The following PRKN variants were observed in gnomAD, a reference collection of about 807,000 sequenced individuals.
PRKN encodes parkin RBR E3 ubiquitin protein ligase.
A neutral mutation model predicts 59.5 loss-of-function variants in PRKN; 56 were observed. The ratio of observed to expected loss-of-function variants is 0.94; its 90% CI spans 0.76 to 1.18. The LOEUF is 1.18. PRKN is among the 50% of genes most tolerant of loss of function. The pLI is 0.00. For missense variants in PRKN, 657 were observed against 596.4 expected, an observed-to-expected ratio of 1.10 and a Z score of -1.06; for synonymous variants, 250 against 222.1, an observed-to-expected ratio of 1.13 and a Z score of -1.12.
Position 161,356,733 on chromosome 6 carries a change from C to T in PRKN, c.1285+3355G>A, listed in dbSNP as rs1041196095. ...GCTGTTGACTGAGGTGGGGTGCACCCTAGAGGAAAAGGTTTTCTAGGAGCA... is the reference window on the plus strand; with the variant it reads ...GCTGTTGACTGAGGTGGGGTGCACCTTAGAGGAAAAGGTTTTCTAGGAGCA... On this transcript the variant is annotated intron_variant, in intron 11 of 11. Transcript: ENST00000366898. The surrounding 1 kb of genome is among the most constrained non-coding windows in gnomAD (Gnocchi z 7.8). Among the ~76,000 whole-genome samples the T allele has an allele frequency of 2.0e-5, 3 of 152,034 alleles. No homozygotes were observed. In the East Asian group the frequency reaches 5.8e-4, roughly 29 times the overall value.
chr6:161,520,386 G>A (rs373486338), intron 9 of PRKN, among the ~76,000 whole-genome samples: 5 of 151,828 alleles, frequency 3.3e-5, no homozygotes, highest in Admixed American at 2.0e-4. Flanking sequence ...CACCAGGCCC[G>A]GCTAATTTTT....
chr6:162,587,641 T>C (rs1014370547), intron 1 of PRKN, among the ~76,000 whole-genome samples: 1 of 152,176 alleles, frequency 6.6e-6, no homozygotes, highest in African/African-American at 2.4e-5. Context: ...TGTGTTGTTA[T>C]GCAAAGAATA....
At chr6:161,506,917 C>T (rs918245134) in intron 9 of PRKN, among the ~76,000 whole-genome samples, 2 of 152,116 alleles carry the variant, frequency 1.3e-5, no homozygotes, top group African/African-American at 4.8e-5. Context: ...GCAAGGCTGC[C>T]ACGGAGCCAG....
intron 6 of PRKN, among the ~76,000 whole-genome samples, chr6:161,829,239 C>T (rs749829953): frequency 5.3e-5 from 8 of 151,968 alleles, no homozygotes; most frequent in Non-Finnish European, 1.0e-4. Context: ...AAAACAAAAA[C>T]GAAAACAAAA....
At chr6:162,335,938 T>TAA (rs1409155820) in intron 2 of PRKN, among the ~76,000 whole-genome samples, 2 of 151,350 alleles carry the variant, frequency 1.3e-5, no homozygotes, top group African/African-American at 4.9e-5. Context: ...TGGTCTCACT[T>TAA]AAGGGCAACT....
intron 2 of PRKN, among the ~76,000 whole-genome samples, chr6:162,325,947 T>A (rs188859593): frequency 6.6e-6 from 1 of 152,164 alleles, no homozygotes; most frequent in East Asian, 1.9e-4. Context: ...TCCGTGGTCA[T>A]GTCTAATGGT....
intron 5 of PRKN, among the ~76,000 whole-genome samples, chr6:162,012,068 T>C (rs1469048038): frequency 6.6e-6 from 1 of 152,118 alleles, no homozygotes; most frequent in Non-Finnish European, 1.5e-5. Flanking sequence ...TACAGGGTCT[T>C]CAACAACTCT....
intron 2 of PRKN, chr6:162,270,173 A>G (rs1228403670): frequency 6.6e-6 from 1 of 152,240 alleles, no homozygotes; most frequent in African/African-American, 2.4e-5. Context: ...ATGATGGAAT[A>G]CTGCTCAGCC....
chr6:162,688,615 C>G (rs1777654093), intron 1 of PRKN, among the ~76,000 whole-genome samples: 1 of 152,122 alleles, frequency 6.6e-6, no homozygotes, highest in Admixed American at 6.5e-5. Flanking sequence ...GGTTTTGGAA[C>G]CCATCTCCTT....
At chr6:162,054,007 C>T (rs2128285478) in intron 5 of PRKN, 84 bp downstream of exon 5, 2 of 905,964 alleles carry the variant, frequency 2.2e-6, no homozygotes, top group Admixed American at 1.7e-5. Flanking sequence ...AGTCAGTTGA[C>T]ATTTTGTCTC....
intron 1 of PRKN, among the ~76,000 whole-genome samples, chr6:162,575,702 T>C (rs79496503): frequency 0.021 from 3,139 of 152,164 alleles, 106 homozygotes; most frequent in African/African-American, 0.07. Flanking sequence ...ATATTTGGTG[T>C]CTAAAAGAAT....
intron 4 of PRKN, among the ~76,000 whole-genome samples, chr6:162,163,767 G>A (rs1005962144): frequency 3.4e-5 from 5 of 148,284 alleles, no homozygotes; most frequent in South Asian, 2.1e-4. Context: ...GGGAGGGAGC[G>A]CCTTGCACAT....
intron 7 of PRKN, among the ~76,000 whole-genome samples, chr6:161,697,325 TATA>T (rs1218734723): frequency 6.6e-6 from 1 of 152,176 alleles, no homozygotes; most frequent in Non-Finnish European, 1.5e-5. Context: ...ATGCACACAT[TATA>T]ATATTTGCTG....
intron 4 of PRKN, among the ~76,000 whole-genome samples, chr6:162,191,065 G>A (rs549257585): frequency 6.6e-6 from 1 of 152,194 alleles, no homozygotes; most frequent in Non-Finnish European, 1.5e-5. Flanking sequence ...TACAGGCAAA[G>A]TGATACAAAT....
intron 6 of PRKN, among the ~76,000 whole-genome samples, chr6:161,935,421 G>A (rs944990566): frequency 6.6e-6 from 1 of 151,976 alleles, no homozygotes; most frequent in South Asian, 2.1e-4. Flanking sequence ...AGGTGTGGTG[G>A]TATGTACCTG....
At chr6:161,643,698 G>T (rs1345769581) in intron 7 of PRKN, among the ~76,000 whole-genome samples, 1 of 152,176 alleles carries the variant, frequency 6.6e-6, no homozygotes, top group Non-Finnish European at 1.5e-5. Context: ...AGGGACATCA[G>T]TGTCATCTCA....
chr6:161,917,407 A>T (rs574169751), intron 6 of PRKN, among the ~76,000 whole-genome samples: 1 of 151,844 alleles, frequency 6.6e-6, no homozygotes, highest in African/African-American at 2.4e-5. Context: ...CACCCGGCCG[A>T]TTTTTTCATT....
At chr6:162,381,769 A>G (rs965715561) in intron 2 of PRKN, among the ~76,000 whole-genome samples, 1 of 152,204 alleles carries the variant, frequency 6.6e-6, no homozygotes, top group East Asian at 1.9e-4. Context: ...AGTGCTAACA[A>G]ATAGCTGGGT....
At chr6:161,877,731 G>C (rs1241741635) in intron 6 of PRKN, among the ~76,000 whole-genome samples, 1 of 152,018 alleles carries the variant, frequency 6.6e-6, no homozygotes, top group Non-Finnish European at 1.5e-5. Flanking sequence ...GCCTCCCAAA[G>C]TGCTGGGATT....
Sources: gnomAD v4.1 joint callset for allele counts (sites outside exome capture counted in the v4.1 genomes callset) on GRCh38, gnomAD v4.1.1 for gene constraint, Gnocchi (gnomAD v3.1) non-coding constraint, MANE v1.5 for transcripts, NCBI Gene and HGNC (gene_info 2026-07-23, HGNC 2026-07-21) for gene names.